The following XRCC6 variants were observed in gnomAD, a reference collection of about 807,000 sequenced individuals.
The protein encoded by XRCC6 is DNA repair protein Ku70.
In XRCC6, 5 loss-of-function variants were observed where a neutral mutation model predicts 65.7. That is an observed-to-expected ratio of 0.08 (90% CI 0.04 to 0.16). The LOEUF (loss-of-function observed/expected upper bound fraction) is 0.16. Ranked by LOEUF, XRCC6 falls within the 10% of genes least tolerant of loss-of-function variation. The probability of loss-of-function intolerance (pLI) is 1.00; values close to 1 mark genes in which losing one functional copy is unlikely to be tolerated. For missense variants in XRCC6, 447 were observed against 738.1 expected (o/e 0.61, Z 4.57); for synonymous variants, 270 against 270.6 (o/e 1.00, Z 0.02).
At chr22:41,641,306 C>T (rs376734348) in intron 6 of XRCC6, among the ~76,000 whole-genome samples, 1 of 17,558 alleles carries the variant, frequency 5.7e-5, no homozygotes, top group Non-Finnish European at 3.9e-4. Flanking sequence ...ATTAAACTTA[C>T]GCTTTTTAAA....
chr22:41,648,421 G>A (rs902691254), intron 7 of XRCC6, among the ~76,000 whole-genome samples: 1 of 152,110 alleles, frequency 6.6e-6, no homozygotes, highest in Non-Finnish European at 1.5e-5. Context: ...GGGAGATAAG[G>A]AGTTAGGAAA....
intron 9 of XRCC6, among the ~76,000 whole-genome samples, chr22:41,655,327 G>GTT (rs200998071): frequency 2.1e-4 from 29 of 141,224 alleles, no homozygotes; most frequent in Non-Finnish European, 1.7e-4. Flanking sequence ...ATTCATTTTA[G>GTT]TTTTTTTTTT....
intron 9 of XRCC6, among the ~76,000 whole-genome samples, chr22:41,654,772 G>A (rs1246039816): frequency 6.6e-6 from 1 of 152,156 alleles, no homozygotes; most frequent in Admixed American, 6.5e-5. Flanking sequence ...GGCACTGTCC[G>A]GCTAGCTCTG....
At chr22:41,622,416 C>T (rs2067618858) in intron 2 of XRCC6, among the ~76,000 whole-genome samples, 1 of 152,060 alleles carries the variant, frequency 6.6e-6, no homozygotes, top group South Asian at 2.1e-4. Flanking sequence ...ATTCCAGGAC[C>T]TCAGTGTAAA....
At chr22:41,631,573 G>A (rs1478126242) in intron 3 of XRCC6, among the ~76,000 whole-genome samples, 2 of 129,784 alleles carry the variant, frequency 1.5e-5, no homozygotes, top group Non-Finnish European at 3.3e-5. Context: ...GACGATGGGC[G>A]GCCGGGCAGA....
intron 3 of XRCC6, among the ~76,000 whole-genome samples, chr22:41,635,707 T>TG (rs1315316395): frequency 1.4e-5 from 1 of 72,236 alleles, no homozygotes; most frequent in Non-Finnish European, 4.4e-5. Flanking sequence ...CTAATTTTTT[T>TG]GTTTTTTTTT....
chr22:41,628,987 A>AT (rs1488078901), intron 3 of XRCC6, among the ~76,000 whole-genome samples: 2 of 151,514 alleles, frequency 1.3e-5, no homozygotes, highest in African/African-American at 4.8e-5. Context: ...AAAAAAAAAA[A>AT]AACAATTCTC....
chr22:41,624,381 C>CT (rs972582614), intron 2 of XRCC6, among the ~76,000 whole-genome samples: 4 of 151,176 alleles, frequency 2.6e-5, no homozygotes, highest in Non-Finnish European at 4.4e-5. Flanking sequence ...GAGTGAAACT[C>CT]TATCTCAAAA....
At chr22:41,621,820 C>T (rs1273510575) in intron 1 of XRCC6, 170 bp from the exon 2 acceptor site, 1 of 608,782 alleles carries the variant, frequency 1.6e-6, no homozygotes, top group African/African-American at 1.9e-5. Context: ...GGGATGGCCC[C>T]CATGCGCATT....
At chr22:41,646,088 G>A (rs2067929240) in intron 6 of XRCC6, among the ~76,000 whole-genome samples, 1 of 152,012 alleles carries the variant, frequency 6.6e-6, no homozygotes, top group Non-Finnish European at 1.5e-5. Flanking sequence ...TGAATCACGA[G>A]GTCAGGAGTT....
chr22:41,633,902 A>G (rs912815057), intron 3 of XRCC6, among the ~76,000 whole-genome samples: 1 of 152,206 alleles, frequency 6.6e-6, no homozygotes, highest in East Asian at 1.9e-4. Flanking sequence ...AAGCAATAGA[A>G]AACATTTTCT....
At chr22:41,649,139 A>ATATATATATATATAT (rs1555906701) in intron 7 of XRCC6, among the ~76,000 whole-genome samples, 6 of 88,732 alleles carry the variant, frequency 6.8e-5, no homozygotes, top group Admixed American at 1.7e-4. Flanking sequence ...AAAAAAAAAA[A>ATATATATATATATAT]ATATATATAT....
intron 6 of XRCC6, among the ~76,000 whole-genome samples, chr22:41,640,520 A>G (rs902705848): frequency 6.6e-6 from 1 of 152,178 alleles, no homozygotes; most frequent in Non-Finnish European, 1.5e-5. Context: ...CCTGGCCTCA[A>G]ACGTTCCTCC....
intron 3 of XRCC6, among the ~76,000 whole-genome samples, chr22:41,631,298 G>A (rs1446086278): frequency 6.6e-6 from 1 of 151,632 alleles, no homozygotes; most frequent in Non-Finnish European, 1.5e-5. Context: ...GGACGGGTCG[G>A]CTGCTGGGCG....
intron 3 of XRCC6, among the ~76,000 whole-genome samples, chr22:41,631,577 G>A (rs1184586698): frequency 4.8e-5 from 6 of 126,266 alleles, no homozygotes; most frequent in Non-Finnish European, 8.4e-5. Context: ...ATGGGCGGCC[G>A]GGCAGAGACG....
chr22:41,638,294 G>A (rs570767667), intron 6 of XRCC6, among the ~76,000 whole-genome samples: 172 of 152,176 alleles, frequency 1.1e-3, no homozygotes, highest in African/African-American at 2.0e-3. Flanking sequence ...GTCATTAGGC[G>A]ATTTTGTCAT....
intron 2 of XRCC6, among the ~76,000 whole-genome samples, chr22:41,626,203 C>T (rs371942483): frequency 2.0e-5 from 3 of 151,310 alleles, no homozygotes; most frequent in East Asian, 1.9e-4. Context: ...AGTGCAGTGG[C>T]GCGATCTTGG....
intron 9 of XRCC6, among the ~76,000 whole-genome samples, chr22:41,655,750 GAC>G (rs1298038328): frequency 6.7e-6 from 1 of 150,138 alleles, no homozygotes; most frequent in East Asian, 2.0e-4. Context: ...CATAAATTGA[GAC>G]AAGGTCTCAC....
At chr22:41,634,486 C>T (rs56290323) in intron 3 of XRCC6, among the ~76,000 whole-genome samples, 10,008 of 148,182 alleles carry the variant, frequency 0.068, 1,081 homozygotes, top group African/African-American at 0.23. Context: ...GTACCTGGCC[C>T]GAAGACTTAA....
Sources: gnomAD v4.1 joint callset for allele counts (sites outside exome capture counted in the v4.1 genomes callset) on GRCh38, gnomAD v4.1.1 for gene constraint, MANE v1.5 for transcripts, NCBI Gene and HGNC (gene_info 2026-07-23, HGNC 2026-07-21) for gene names.